DNAH11: variants seen among roughly 807,000 people sequenced by gnomAD.
DNAH11 encodes dynein axonemal heavy chain 11.
Under a neutral mutation model 526.0 loss-of-function variants are expected in DNAH11, and 442 were observed. That is an observed-to-expected ratio of 0.84 (90% CI 0.78 to 0.91). The LOEUF is 0.91. Among genes scored for constraint, DNAH11 ranks in the 40% least tolerant of loss-of-function variants. DNAH11 has a pLI of 0.00. For missense variants in DNAH11, 6,989 were observed against 5,448.7 expected (o/e 1.28, Z -8.90); for synonymous variants, 2,461 against 1,935.9 (o/e 1.27, Z -7.12).
At chr7:21,691,178 CTT>C (rs559356874) in intron 35 of DNAH11, among the ~76,000 whole-genome samples, 3 of 67,168 alleles carry the variant, frequency 4.5e-5, no homozygotes. Flanking sequence ...TTTTTTTTTT[CTT>C]TTTTTTTTTT....
chr7:21,774,550 G>T (rs1456683845), intron 56 of DNAH11, among the ~76,000 whole-genome samples: 1 of 152,172 alleles, frequency 6.6e-6, no homozygotes, highest in Non-Finnish European at 1.5e-5. Flanking sequence ...ATCATCACAG[G>T]ATGTTAATCA....
chr7:21,591,312 C>A lies in DNAH11; in HGVS notation c.2402C>A (p.Thr801Lys). The change falls in exon 14 of 82, where the codon ACG (threonine) becomes AAG (lysine). Residue 801 changes from threonine to lysine, a missense_variant. Thr to Lys is a moderately conservative substitution (Grantham distance 78). Transcript: ENST00000409508. ...GACGAGCAGCTGACAGCAGCCACAA[C>A]GTGGCTGACATGGCAGGATGACTGC... Reference protein sequence around the residue: ...AIDEQLTAATTWLTWQDDCWG... With the variant: ...AIDEQLTAATKWLTWQDDCWG... The A allele has an allele frequency of 1.9e-6, 3 of 1,613,790 alleles. No individual in the cohort carries two copies. Among genetic ancestry groups the A allele is most frequent in the Middle Eastern group, 1.6e-4 (1 of 6,062 alleles).
intron 25 of DNAH11, among the ~76,000 whole-genome samples, chr7:21,629,786 C>T (rs1366655130): frequency 6.6e-6 from 1 of 151,932 alleles, no homozygotes. Flanking sequence ...ATTTTCCACT[C>T]TTTCACTTTC....
intron 19 of DNAH11, 28 bp from the exon 20 acceptor site, chr7:21,606,619 T>C (rs1785295591): frequency 3.0e-6 from 4 of 1,343,072 alleles, no homozygotes; most frequent in Non-Finnish European, 3.9e-6. Flanking sequence ...AATTCACTTT[T>C]TTTTTTTTTT....
At chr7:21,553,623 G>A (rs1783105428) in intron 2 of DNAH11, among the ~76,000 whole-genome samples, 1 of 152,092 alleles carries the variant, frequency 6.6e-6, no homozygotes, top group Non-Finnish European at 1.5e-5. Context: ...TTTCCATTTA[G>A]GGCATTCTTT....
At chr7:21,678,962 A>C (rs1052657928) in intron 30 of DNAH11, among the ~76,000 whole-genome samples, 1 of 152,220 alleles carries the variant, frequency 6.6e-6, no homozygotes, top group African/African-American at 2.4e-5. Context: ...ACAATAGCCA[A>C]GATGTAGAAA....
Position 21,655,874 on chromosome 7 carries a change from C to G in DNAH11, c.4987C>G (p.Leu1663Val), listed in dbSNP as rs541180386. Residue 1663 changes from leucine (L) to valine (V), a missense_variant, in exon 29 of 82, where the codon CTG becomes GTG. Coordinates refer to ENST00000409508, the MANE Select transcript of DNAH11 (RefSeq NM_001277115.2). ...CAAACTTTTCGACAGCATTGCAGAT[C>G]TGCAGTTTGAAGACAATCAGGATGT... Reference protein sequence around the residue: ...LAKLFDSIADLQFEDNQDVSA... With the variant: ...LAKLFDSIADVQFEDNQDVSA... 27 of 1,613,346 alleles carry G rather than the reference C, an allele frequency of 1.7e-5. 1 individual carries two copies. The South Asian group carries it at 2.7e-4, about 16-fold the overall frequency.
chr7:21,643,770 T>A (rs1787228057), intron 28 of DNAH11, among the ~76,000 whole-genome samples: 1 of 152,164 alleles, frequency 6.6e-6, no homozygotes, highest in African/African-American at 2.4e-5. Context: ...ATGCTGTAAA[T>A]ATAAAATACA....
At chr7:21,561,211 C>A in intron 5 of DNAH11, 41 bp downstream of exon 5, 1 of 1,423,902 alleles carries the variant, frequency 7.0e-7, no homozygotes, top group Non-Finnish European at 9.7e-7. Flanking sequence ...ATATCACCAT[C>A]TGCTCATGAT....
intron 57 of DNAH11, among the ~76,000 whole-genome samples, chr7:21,783,757 G>T (rs973016565): frequency 6.6e-6 from 1 of 151,976 alleles, no homozygotes; most frequent in Non-Finnish European, 1.5e-5. Flanking sequence ...CTTGGGAAGA[G>T]GTGCCACTGG....
intron 54 of DNAH11, among the ~76,000 whole-genome samples, chr7:21,757,232 G>C (rs1562528607): frequency 1.3e-5 from 2 of 152,142 alleles, no homozygotes; most frequent in Non-Finnish European, 2.9e-5. Flanking sequence ...CATACTTTCT[G>C]AACAACATTT....
intron 2 of DNAH11, among the ~76,000 whole-genome samples, chr7:21,550,601 G>A (rs1405052964): frequency 6.6e-6 from 1 of 152,154 alleles, no homozygotes; most frequent in African/African-American, 2.4e-5. Context: ...TGGAGAGTTT[G>A]ATTCATTCTT....
At chr7:21,773,698 T>G in intron 55 of DNAH11, 68 bp from the exon 56 acceptor site, 1 of 917,488 alleles carries the variant, frequency 1.1e-6, no homozygotes, top group Non-Finnish European at 1.4e-6. Flanking sequence ...ATCATTTACT[T>G]GATTTTTTTT....
At chr7:21,552,366 G>C (rs1783054985) in intron 2 of DNAH11, among the ~76,000 whole-genome samples, 1 of 151,996 alleles carries the variant, frequency 6.6e-6, no homozygotes, top group African/African-American at 2.4e-5. Context: ...AAAAATTTTT[G>C]GAGTTCTCTC....
intron 65 of DNAH11, among the ~76,000 whole-genome samples, chr7:21,818,557 T>A (rs1416432249): frequency 6.6e-6 from 1 of 152,198 alleles, no homozygotes; most frequent in Non-Finnish European, 1.5e-5. Context: ...CAATTCCTGA[T>A]TTATGGGCCA....
At chr7:21,714,980 T>A (rs759894972) in intron 42 of DNAH11, among the ~76,000 whole-genome samples, 4 of 152,210 alleles carry the variant, frequency 2.6e-5, no homozygotes, top group Non-Finnish European at 2.9e-5. Flanking sequence ...TCACTAGTAC[T>A]TTCACCTGTA....
At chr7:21,751,129 A>T (rs1252199976) in intron 54 of DNAH11, among the ~76,000 whole-genome samples, 1 of 151,968 alleles carries the variant, frequency 6.6e-6, no homozygotes, top group Non-Finnish European at 1.5e-5. Flanking sequence ...TTCAAGACCA[A>T]CCTGGCCAAC....
At chr7:21,576,853 T>C (rs2128439163) in intron 8 of DNAH11, among the ~76,000 whole-genome samples, 1 of 152,340 alleles carries the variant, frequency 6.6e-6, no homozygotes, top group Non-Finnish European at 1.5e-5. Flanking sequence ...TGAAACTTAC[T>C]TTGGGGTAGT....
intron 58 of DNAH11, among the ~76,000 whole-genome samples, chr7:21,784,966 A>G (rs1288176642): frequency 1.3e-5 from 2 of 152,234 alleles, no homozygotes; most frequent in Non-Finnish European, 2.9e-5. Context: ...ATGGGAGCAA[A>G]GATACCTAGG....
Sources: allele counts gnomAD v4.1 joint callset (sites outside exome capture counted in the v4.1 genomes callset), GRCh38; gene constraint gnomAD v4.1.1; transcripts MANE v1.5; gene names NCBI Gene and HGNC (gene_info 2026-07-23, HGNC 2026-07-21).